The following TRAF3IP2 variants were observed in gnomAD, a reference collection of about 807,000 sequenced individuals.
TRAF3IP2 encodes the protein TRAF3 interacting protein 2, also known as E3 ubiquitin ligase TRAF3IP2.
TRAF3IP2 carries 35 observed loss-of-function variants against 57.9 expected under a neutral mutation model. The observed-to-expected ratio is 0.60, with a 90% CI of 0.46 to 0.80. The LOEUF (loss-of-function observed/expected upper bound fraction) is 0.80. TRAF3IP2 is among the 30% of genes least tolerant of loss of function. The probability of loss-of-function intolerance (pLI) is 0.00; values close to 1 mark genes in which losing one functional copy is unlikely to be tolerated. For missense variants in TRAF3IP2, 556 were observed against 706.4 expected (o/e 0.79, Z 2.41); for synonymous variants, 251 against 268.9 (o/e 0.93, Z 0.65).
chr6:111,590,653 C>T (rs1024917487), intron 2 of TRAF3IP2, among the ~76,000 whole-genome samples: 2 of 152,020 alleles, frequency 1.3e-5, no homozygotes, highest in African/African-American at 4.8e-5. Context: ...TGTGAACCAT[C>T]GCGACAAGTA....
chr6:111,579,038 A>G lies in TRAF3IP2; in HGVS notation c.1022+1159T>C, dbSNP rs117523685. ...GTCCAAAGAGAATAAGGGAAAAAAA[A>G]TGATTAAAGAGGCAGGGCACAGTGG... On this transcript the variant is annotated intron_variant, in intron 3 of 8. Transcript: ENST00000368761. Among the ~76,000 whole-genome samples, 52 of 152,288 alleles carry G rather than the reference A, an allele frequency of 3.4e-4. 1 individual carries two copies. The East Asian group carries it at 8.9e-3, about 26-fold the overall frequency.
chr6:111,567,510 C>T, intron 6 of TRAF3IP2, 114 bp downstream of exon 6: 2 of 1,323,668 alleles, frequency 1.5e-6, no homozygotes, highest in South Asian at 3.5e-5. Flanking sequence ...TTTGTTGGGG[C>T]TTTCTCAGCT....
intron 5 of TRAF3IP2, among the ~76,000 whole-genome samples, chr6:111,568,646 G>A (rs1040844096): frequency 6.6e-6 from 1 of 152,112 alleles, no homozygotes; most frequent in South Asian, 2.1e-4. Flanking sequence ...GGCCAGGCAC[G>A]ATGGCTCATG....
chr6:111,595,657 G>T (rs944553065), intron 1 of TRAF3IP2, among the ~76,000 whole-genome samples: 1 of 151,918 alleles, frequency 6.6e-6, no homozygotes, highest in Non-Finnish European at 1.5e-5. Context: ...GTGAAACCCC[G>T]CCTCTACTAA....
intron 8 of TRAF3IP2, among the ~76,000 whole-genome samples, chr6:111,560,481 G>A (rs963193293): frequency 2.0e-5 from 3 of 152,314 alleles, no homozygotes; most frequent in East Asian, 1.9e-4. Context: ...ACTATAGGAC[G>A]GGACTTCTCT....
chr6:111,577,915 G>A (rs1458892631), intron 3 of TRAF3IP2, among the ~76,000 whole-genome samples: 2 of 151,952 alleles, frequency 1.3e-5, no homozygotes, highest in Admixed American at 6.6e-5. Flanking sequence ...TTTTCGCTAT[G>A]TTGCCCAGGC....
Position 111,575,622 on chromosome 6 carries a change from A to C in TRAF3IP2, c.1201+21T>G, listed in dbSNP as rs776065221. ...AAAAAAAAAAAAGAGGAAGGAGAGA[A>C]CAATGTTGCAAACAACTTACGCAAT... On this transcript the variant is annotated intron_variant, in intron 4 of 8. Coordinates refer to ENST00000368761, the MANE Select transcript of TRAF3IP2 (RefSeq NM_147686.4). The C allele has an allele frequency of 5.0e-6, 8 of 1,591,170 alleles. No homozygotes were observed. In the South Asian group the frequency reaches 9.1e-5, roughly 18 times the overall value.
chr6:111,587,283 T>A (rs1343311355), intron 2 of TRAF3IP2: 9 of 152,204 alleles, frequency 5.9e-5, no homozygotes, highest in Admixed American at 5.9e-4. Flanking sequence ...TAAGACTGAG[T>A]CTCATTCTGT....
In TRAF3IP2 at chr6:111,568,682, C is replaced by T. The variant is rs573024713; in HGVS notation, c.1291-990G>A. Reference sequence around the variant, plus strand: ...CCTATAATCCCAGCACTTGGGAGGCCGTGGCAGGCAGATCACTTGAAAAGC... The same window carrying T: ...CCTATAATCCCAGCACTTGGGAGGCTGTGGCAGGCAGATCACTTGAAAAGC... On this transcript the variant is annotated intron_variant, in intron 5 of 8. Transcript: ENST00000368761. Among the ~76,000 whole-genome samples, 8 of 152,212 alleles carry T rather than the reference C, an allele frequency of 5.3e-5. No individual in the cohort carries two copies. The South Asian group carries it at 6.2e-4, about 12-fold the overall frequency.
Position 111,558,974 on chromosome 6 carries a change from G to C in TRAF3IP2, c.*431C>G, listed in dbSNP as rs1488677347. The C allele has an allele frequency of 1.9e-5, 3 of 155,654 alleles. No individual in the cohort carries two copies. The highest frequency in any genetic ancestry group is 2.8e-5 in the Non-Finnish European group (2 of 70,550). The allele number at this position is 155,654 out of a possible 1,614,324, so 9.6% of individuals were successfully genotyped here. A position where few individuals can be genotyped will look rare whatever the true frequency, so the allele number is the denominator to read the frequency against. On this transcript the variant is annotated 3_prime_UTR_variant, in exon 9 of 9. Transcript: ENST00000368761. ...AGTAAACATTTTATTATTTGTACAT[G>C]AATCAGTTTGGTCTGAGGATACACA...
chr6:111,573,788 C>A (rs939478252), intron 4 of TRAF3IP2: 2 of 152,118 alleles, frequency 1.3e-5, no homozygotes, highest in African/African-American at 2.4e-5. Flanking sequence ...TGAATAATTA[C>A]TTTGTGTTGG....
At chr6:111,565,267 A>C (rs1795595567) in intron 7 of TRAF3IP2, 1 of 152,096 alleles carries the variant, frequency 6.6e-6, no homozygotes, top group Admixed American at 6.6e-5. Flanking sequence ...TGGGACCTAC[A>C]TCTGCTTCCC....
intron 2 of TRAF3IP2, among the ~76,000 whole-genome samples, chr6:111,588,973 G>A (rs1433353117): frequency 6.6e-6 from 1 of 152,048 alleles, no homozygotes; most frequent in African/African-American, 2.4e-5. Context: ...TTCTATTTGG[G>A]TGGCAGAAAT....
At chr6:111,569,483 G>A (rs1015251973) in intron 5 of TRAF3IP2, among the ~76,000 whole-genome samples, 2 of 152,252 alleles carry the variant, frequency 1.3e-5, no homozygotes, top group African/African-American at 4.8e-5. Context: ...CGGGCGTGGT[G>A]GCTCACGCCT....
At chr6:111,590,006 C>T (rs1247451737) in intron 2 of TRAF3IP2, among the ~76,000 whole-genome samples, 2 of 152,198 alleles carry the variant, frequency 1.3e-5, no homozygotes, top group African/African-American at 4.8e-5. Flanking sequence ...TCAGGCCTCA[C>T]AGCCCTGTGT....
chr6:111,559,232 TG>T lies in TRAF3IP2; in HGVS notation c.*172del. 1.2e-6 allele frequency: 1 copy of T among 806,000 alleles called. No homozygotes were observed. The highest frequency in any genetic ancestry group is 1.9e-6 in the Non-Finnish European group (1 of 524,924). The allele number at this position is 806,000 out of a possible 1,614,324, so 49.9% of individuals were successfully genotyped here. A position where few individuals can be genotyped will look rare whatever the true frequency, so the allele number is the denominator to read the frequency against. ...GACTCCACTTCAAAGCCAGGGTGTG[TG>T]GAGGTCTCCGGGGAAGAGCTCTGCA... On this transcript the variant is annotated 3_prime_UTR_variant, in exon 9 of 9. Coordinates refer to ENST00000368761, the MANE Select transcript of TRAF3IP2 (RefSeq NM_147686.4).
Position 111,557,989 on chromosome 6 carries a change from C to T in TRAF3IP2, c.*1416G>A, listed in dbSNP as rs1795303119. The T allele has an allele frequency of 6.6e-6, 1 of 151,848 alleles. No individual in the cohort carries two copies. The highest frequency in any genetic ancestry group is 1.5e-5 in the Non-Finnish European group (1 of 67,990). 9.4% of individuals were successfully genotyped at this position (151,848 alleles called of 1,614,324 possible). A position where few individuals can be genotyped will look rare whatever the true frequency, so the allele number is the denominator to read the frequency against. On this transcript the variant is annotated 3_prime_UTR_variant, in exon 9 of 9. Transcript: ENST00000368761. Reference sequence around the variant, plus strand: ...GAGCCAAGATTGCAGCACTGCACTCCAGCCTGGACGACAGAGCGAGACTCT... The same window carrying T: ...GAGCCAAGATTGCAGCACTGCACTCTAGCCTGGACGACAGAGCGAGACTCT...
chr6:111,555,987 C>G lies in TRAF3IP2; in HGVS notation c.*3418G>C, dbSNP rs1027187291. ...GCATGGTGGCAGGTGCCTGTAGTCA[C>G]AGCTACTCGAGAGGCTGAGGCAGGA... On this transcript the variant is annotated 3_prime_UTR_variant, in exon 9 of 9. Transcript: ENST00000368761. 1.3e-5 allele frequency among the ~76,000 whole-genome samples: 2 copies of G among 151,922 alleles called. No homozygotes were observed. Among genetic ancestry groups the G allele is most frequent in the African/African-American group, 4.8e-5 (2 of 41,312 alleles).
chr6:111,581,689 T>C (rs1796168531), intron 2 of TRAF3IP2, among the ~76,000 whole-genome samples: 1 of 151,498 alleles, frequency 6.6e-6, no homozygotes, highest in South Asian at 2.1e-4. Context: ...TAAAAATTGA[T>C]TCTTAAGGCC....
Sources: gnomAD v4.1 joint callset for allele counts (sites outside exome capture counted in the v4.1 genomes callset) on GRCh38, gnomAD v4.1.1 for gene constraint, MANE v1.5 for transcripts, NCBI Gene and HGNC (gene_info 2026-07-23, HGNC 2026-07-21) for gene names.